SRGAP1: variants seen among roughly 807,000 people sequenced by gnomAD.
SRGAP1 encodes the protein SLIT-ROBO Rho GTPase-activating protein 1.
Under a neutral mutation model 121.9 loss-of-function variants are expected in SRGAP1, and 43 were observed. The ratio of observed to expected loss-of-function variants is 0.35; its 90% CI spans 0.28 to 0.46. The LOEUF is 0.46. Ranked by LOEUF, SRGAP1 falls within the 20% of genes least tolerant of loss-of-function variation. The probability of loss-of-function intolerance (pLI) is 1.00; values close to 1 mark genes in which losing one functional copy is unlikely to be tolerated. For missense variants in SRGAP1, 1,102 were observed against 1,350.9 expected (o/e 0.82, Z 2.89); for synonymous variants, 447 against 485.4 (o/e 0.92, Z 1.04).
At chr12:64,083,901 C>T (rs1206592080) in intron 10 of SRGAP1, among the ~76,000 whole-genome samples, 1 of 152,164 alleles carries the variant, frequency 6.6e-6, no homozygotes, top group African/African-American at 2.4e-5. Context: ...ATAGATTATC[C>T]TCATACAATC....
chr12:63,901,959 C>T (rs75678191), intron 1 of SRGAP1, among the ~76,000 whole-genome samples: 1,812 of 152,298 alleles, frequency 0.012, 72 homozygotes, highest in East Asian at 0.091. Context: ...GCTCACTGGA[C>T]TTGGCTTGCA....
intron 21 of SRGAP1, among the ~76,000 whole-genome samples, chr12:64,140,617 A>G (rs1177778904): frequency 6.6e-6 from 1 of 150,618 alleles, no homozygotes; most frequent in African/African-American, 2.4e-5. Flanking sequence ...AAAAGTCAGG[A>G]AACAACAGGT....
chr12:63,891,931 A>T (rs568508303), intron 1 of SRGAP1, among the ~76,000 whole-genome samples: 19 of 149,692 alleles, frequency 1.3e-4, no homozygotes, highest in Admixed American at 4.1e-4. Context: ...GGCTGCAGTG[A>T]GCTGAGACTG....
chr12:64,082,750 G>C (rs2035870371), intron 10 of SRGAP1, among the ~76,000 whole-genome samples: 1 of 152,068 alleles, frequency 6.6e-6, no homozygotes, highest in South Asian at 2.1e-4. Context: ...GCCCAGCTCA[G>C]GATTTCTTTA....
At chr12:64,018,436 C>T (rs1263385071) in intron 4 of SRGAP1, among the ~76,000 whole-genome samples, 1 of 151,982 alleles carries the variant, frequency 6.6e-6, no homozygotes, top group Non-Finnish European at 1.5e-5. Context: ...CTTGAAAGCA[C>T]GTTTCTTGAT....
chr12:64,050,975 C>T (rs1827074), intron 6 of SRGAP1, among the ~76,000 whole-genome samples: 64,346 of 152,062 alleles, frequency 0.42, 14,807 homozygotes, highest in Non-Finnish European at 0.53. Flanking sequence ...CTGCCTACCT[C>T]GGCCTCCCAA....
chr12:63,953,596 A>G (rs1281719094), intron 1 of SRGAP1, among the ~76,000 whole-genome samples: 1 of 151,492 alleles, frequency 6.6e-6, no homozygotes, highest in African/African-American at 2.4e-5. Flanking sequence ...TTTTACAGAC[A>G]AGATTTCACT....
At chr12:63,953,860 T>C (rs2032374340) in intron 1 of SRGAP1, among the ~76,000 whole-genome samples, 1 of 152,196 alleles carries the variant, frequency 6.6e-6, no homozygotes, top group South Asian at 2.1e-4. Flanking sequence ...TTGTTAACAG[T>C]GGAAATACAT....
chr12:64,109,080 G>C (rs755229348), intron 16 of SRGAP1, 43 bp downstream of exon 16: 1 of 1,333,766 alleles, frequency 7.5e-7, no homozygotes, highest in East Asian at 2.5e-5. Flanking sequence ...TCTGAATTCT[G>C]TCTTTGTTCT....
At position 64,043,582 on chromosome 12, in the gene SRGAP1, A is replaced by G. The variant is rs1257964180; in HGVS notation, c.801+7A>G. 1 of 1,582,994 alleles carries G rather than the reference A, an allele frequency of 6.3e-7. No homozygotes were observed. ...TCTTTCTGATTTAATTGATGTGAGT[A>G]CTTGAAGTTTTTGTCTTTTCCATAT... On this transcript the variant is annotated splice_region_variant and intron_variant, in intron 6 of 21. Coordinates refer to ENST00000355086, the MANE Select transcript of SRGAP1 (RefSeq NM_020762.4).
Position 64,128,259 on chromosome 12 carries a change from TGAAA to T in SRGAP1, c.2880+62_2880+65del. The T allele has an allele frequency of 3.5e-6, 5 of 1,418,290 alleles. No individual in the cohort carries two copies. The Admixed American group carries it at 6.9e-5, about 20-fold the overall frequency. The allele number at this position is 1,418,290 out of a possible 1,614,324, so 87.9% of individuals were successfully genotyped here. On this transcript the variant is annotated intron_variant, in intron 21 of 21. Transcript: ENST00000355086. ...GTACCTAAGTGTGATGTAGGAGGTGTGAAAGATTTACTTTATTTACTTTTTACTT... is the reference window on the plus strand; with the variant it reads ...GTACCTAAGTGTGATGTAGGAGGTGTGATTTACTTTATTTACTTTTTACTT...
chr12:63,983,797 AATATATATATATATAT>A (rs71911661), intron 1 of SRGAP1, 134 bp from the exon 2 acceptor site: 3,208 of 64,652 alleles, frequency 0.05, 91 homozygotes, highest in Middle Eastern at 0.056. Flanking sequence ...ATACATTTAA[AATATATATATATATAT>A]ATATATATAT....
At chr12:63,988,471 G>C (rs1025155647) in intron 2 of SRGAP1, among the ~76,000 whole-genome samples, 1 of 152,212 alleles carries the variant, frequency 6.6e-6, no homozygotes, top group Admixed American at 6.5e-5. Context: ...CCAATGGGAA[G>C]AATGGGAGGC....
chr12:64,064,694 C>G (rs539565685), intron 7 of SRGAP1, among the ~76,000 whole-genome samples: 1 of 152,130 alleles, frequency 6.6e-6, no homozygotes, highest in South Asian at 2.1e-4. Flanking sequence ...AGCTGGCGTT[C>G]GAGTACAACT....
chr12:64,079,252 T>C (rs1370362159), intron 9 of SRGAP1, 136 bp downstream of exon 9: 9 of 915,950 alleles, frequency 9.8e-6, no homozygotes, highest in Non-Finnish European at 1.5e-5. Context: ...GAGTTCCTGA[T>C]TCAGTCAGTT....
chr12:64,039,628 CGTGTGTGT>C (rs6144742), intron 4 of SRGAP1, among the ~76,000 whole-genome samples: 6 of 130,892 alleles, frequency 4.6e-5, no homozygotes, highest in Admixed American at 7.8e-5. Context: ...AGCTGAGCAA[CGTGTGTGT>C]GTGTGTGTGT....
At chr12:64,027,769 T>C (rs528354327) in intron 4 of SRGAP1, among the ~76,000 whole-genome samples, 9 of 152,264 alleles carry the variant, frequency 5.9e-5, no homozygotes, top group African/African-American at 2.2e-4. Context: ...TTTTTTTCTG[T>C]TGTTCCAATA....
chr12:64,147,880 GTTCCT>G lies in SRGAP1; in HGVS notation c.*5217_*5221del. 1 of 391,620 alleles carries G rather than the reference GTTCCT, an allele frequency of 2.6e-6. No homozygotes were observed. Among genetic ancestry groups the G allele is most frequent in the Non-Finnish European group, 4.5e-6 (1 of 222,286 alleles). 24.3% of individuals were successfully genotyped at this position (391,620 alleles called of 1,614,324 possible). ...TGATGTGCATCTCTGTGGTGTCTTT[GTTCCT>G]TTCCTTTCATTCATCACTACTTTCT... On this transcript the variant is annotated 3_prime_UTR_variant, in exon 22 of 22. Coordinates refer to ENST00000355086, the MANE Select transcript of SRGAP1 (RefSeq NM_020762.4).
At chr12:63,953,039 A>G (rs946714157) in intron 1 of SRGAP1, among the ~76,000 whole-genome samples, 1 of 152,204 alleles carries the variant, frequency 6.6e-6, no homozygotes, top group Non-Finnish European at 1.5e-5. Context: ...TTTGCTGGAG[A>G]AAGACATCAA....
Sources: allele counts gnomAD v4.1 joint callset (sites outside exome capture counted in the v4.1 genomes callset), GRCh38; gene constraint gnomAD v4.1.1; transcripts MANE v1.5; gene names NCBI Gene and HGNC (gene_info 2026-07-23, HGNC 2026-07-21).